NEB: variants seen among roughly 807,000 people sequenced by gnomAD.
NEB encodes the protein nemaline myopathy type 2.
In NEB, 512 loss-of-function variants were observed where a neutral mutation model predicts 952.2. The observed-to-expected ratio is 0.54, with a 90% CI of 0.50 to 0.58. The LOEUF (loss-of-function observed/expected upper bound fraction) is 0.58. Among genes scored for constraint, NEB ranks in the 20% least tolerant of loss-of-function variants. The pLI is 0.00. For synonymous variants in NEB, 2,900 were observed against 3,149.8 expected (o/e 0.92, Z 2.66); for missense variants, 8,428 against 9,231.1 (o/e 0.91, Z 3.56).
At chr2:151,526,565 G>A (rs181595134) in intron 148 of NEB, among the ~76,000 whole-genome samples, 70 of 152,178 alleles carry the variant, frequency 4.6e-4, no homozygotes, top group African/African-American at 1.6e-3. Flanking sequence ...TTATTATTCC[G>A]TCTTTACAGA....
At chr2:151,684,559 T>C (rs1379559299) in intron 28 of NEB, among the ~76,000 whole-genome samples, 1 of 152,140 alleles carries the variant, frequency 6.6e-6, no homozygotes, top group South Asian at 2.1e-4. Flanking sequence ...CTTAGCAAGG[T>C]TGACATATTT....
chr2:151,516,823 C>T (rs2077975643), intron 156 of NEB, among the ~76,000 whole-genome samples: 1 of 152,124 alleles, frequency 6.6e-6, no homozygotes, highest in South Asian at 2.1e-4. Context: ...TTGACAAGAG[C>T]CAGCTGAGAG....
rs973651619 is a variant in NEB at position 151,499,257 on chromosome 2, A to T, written c.24114+41T>A. ...AATCTAGCCATTAATCTTTTTAAAC[A>T]TTTTTTTAAATAATTAAAGGGATTT... On this transcript the variant is annotated intron_variant, in intron 169 of 181. Coordinates refer to ENST00000397345, the MANE Select transcript of NEB (RefSeq NM_001164508.2). 11 of 1,088,644 alleles carry T rather than the reference A, an allele frequency of 1.0e-5. No homozygotes were observed. In the East Asian group the frequency reaches 1.9e-4, roughly 18 times the overall value. The allele number at this position is 1,088,644 out of a possible 1,614,324, so 67.4% of individuals were successfully genotyped here. A position where few individuals can be genotyped will look rare whatever the true frequency, so the allele number is the denominator to read the frequency against.
chr2:151,631,796 T>C (rs2098673041), intron 65 of NEB, among the ~76,000 whole-genome samples: 1 of 152,212 alleles, frequency 6.6e-6, no homozygotes, highest in Admixed American at 6.5e-5. Context: ...TAATACAATA[T>C]GAAATTTTAA....
At chr2:151,574,887 T>A (rs1022811913) in intron 107 of NEB, among the ~76,000 whole-genome samples, 2 of 151,886 alleles carry the variant, frequency 1.3e-5, no homozygotes, top group South Asian at 2.1e-4. Flanking sequence ...GCACCTCACT[T>A]TGCCCAACTA....
intron 13 of NEB, among the ~76,000 whole-genome samples, chr2:151,701,592 G>T (rs939296091): frequency 6.6e-6 from 1 of 151,534 alleles, no homozygotes; most frequent in Non-Finnish European, 1.5e-5. Context: ...GTTTAGTCTT[G>T]GGAGATTGTA....
rs1392434296 is a variant in NEB, at chr2:151,627,659, A to G, written c.10007T>C (p.Leu3336Pro). 6.2e-7 allele frequency: 1 copy of G among 1,613,954 alleles called. No homozygotes were observed. The highest frequency in any genetic ancestry group is 1.7e-5 in the Admixed American group (1 of 60,008). Residue 3336 changes from leucine to proline, a missense_variant, in exon 69 of 182, where the codon CTG becomes CCG. Leu to Pro is a moderately conservative substitution (Grantham distance 98, BLOSUM62 -3). Coordinates refer to ENST00000397345, the MANE Select transcript of NEB (RefSeq NM_001164508.2). Reference protein sequence around the residue: ...KTKFSSPVDMLGVVLAKKCQT... With the variant: ...KTKFSSPVDMPGVVLAKKCQT... Reference sequence around the variant, plus strand: ...GCACTTCTTGGCTAACACCACTCCCAGCATGTCCACTGGGCTGCTGAACTT... The same window carrying G: ...GCACTTCTTGGCTAACACCACTCCCGGCATGTCCACTGGGCTGCTGAACTT...
At position 151,687,655 on chromosome 2, in the gene NEB, C is replaced by T. The variant is rs2099513559; in HGVS notation, c.2494G>A (p.Ala832Thr). Residue 832 changes from alanine to threonine, a missense_variant, in exon 26 of 182, where the codon GCC (alanine) becomes ACC (threonine). By Grantham distance (58) the Ala-to-Thr change is moderately conservative. Coordinates refer to ENST00000397345, the MANE Select transcript of NEB (RefSeq NM_001164508.2). ...IKVDAIPLLA[A>T]KANTKNTSDV... ...CTGGTGTTCTTGGTGTTGGCTTTGG[C>T]TGCCAACAGGGGAATGGCGTCCACT... The T allele has an allele frequency of 1.2e-6, 2 of 1,611,618 alleles. No individual in the cohort carries two copies. The highest frequency in any genetic ancestry group is 1.7e-5 in the Admixed American group (1 of 59,512).
chr2:151,631,919 C>G (rs2098675586), intron 65 of NEB, among the ~76,000 whole-genome samples: 1 of 152,126 alleles, frequency 6.6e-6, no homozygotes, highest in Non-Finnish European at 1.5e-5. Context: ...CTATACATTT[C>G]AAAATATCTG....
In NEB at chr2:151,640,054, A is replaced by G; in HGVS notation, c.8692T>C (p.Tyr2898His). 1 of 1,612,970 alleles carries G rather than the reference A, an allele frequency of 6.2e-7. No homozygotes were observed. The highest frequency in any genetic ancestry group is 8.5e-7 in the Non-Finnish European group (1 of 1,178,970). Residue 2898 changes from tyrosine (Y) to histidine (H), a missense_variant, in exon 62 of 182, where the codon TAC (tyrosine) becomes CAC (histidine). Transcript: ENST00000397345. Reference protein sequence around the residue: ...QAYDLQSDNMYKSDLQWMRGI... With the variant: ...QAYDLQSDNMHKSDLQWMRGI... ...CTCATCCACTGGAGATCAGACTTGT[A>G]CATATTCTGTTGACACAAATAGCCA...
chr2:151,616,523 G>A (rs1482747597), intron 75 of NEB, among the ~76,000 whole-genome samples: 6 of 152,030 alleles, frequency 3.9e-5, no homozygotes, highest in South Asian at 2.1e-4. Context: ...GTGAAATCCC[G>A]TCTCCACTAA....
In NEB at chr2:151,568,347, G is replaced by A; in HGVS notation, c.17705C>T (p.Thr5902Ile). 6.2e-7 allele frequency: 1 copy of A among 1,613,696 alleles called. No homozygotes were observed. The highest frequency in any genetic ancestry group is 1.3e-5 in the African/African-American group (1 of 75,002). Residue 5902 changes from threonine to isoleucine, a missense_variant, in exon 112 of 182, where the codon ACT becomes ATT. Transcript: ENST00000397345. ...CAGTATCCTAGCAGCCTCCTGGGCA[G>A]TGTGCAGCAGGGGGGTTTCTGTGAG... is the stretch of plus-strand genomic sequence containing the variant. ...YTLTETPLLH[T>I]AQEAARILDQ...
chr2:151,705,021 C>A (rs904728580), intron 13 of NEB, among the ~76,000 whole-genome samples: 4 of 152,206 alleles, frequency 2.6e-5, no homozygotes, highest in African/African-American at 7.2e-5. Flanking sequence ...GATAGCACCA[C>A]AGCAAACACA....
chr2:151,637,763 A>G (rs1574694384), intron 63 of NEB, among the ~76,000 whole-genome samples: 1 of 152,248 alleles, frequency 6.6e-6, no homozygotes, highest in Non-Finnish European at 1.5e-5. Context: ...AACAGGACCT[A>G]TATTATAGGT....
Position 151,629,522 on chromosome 2 carries a change from A to C in NEB, c.9831+17T>G, listed in dbSNP as rs1303271330. ...ACTTCATCCATCCATGTAAATATCTAGGGTGTTGCTACTCACATCACTGAT... is the reference window on the plus strand; with the variant it reads ...ACTTCATCCATCCATGTAAATATCTCGGGTGTTGCTACTCACATCACTGAT... On this transcript the variant is annotated intron_variant, in intron 68 of 181. Coordinates refer to ENST00000397345, the MANE Select transcript of NEB (RefSeq NM_001164508.2). 6.3e-7 allele frequency: 1 copy of C among 1,579,404 alleles called. No individual in the cohort carries two copies. The highest frequency in any genetic ancestry group is 2.2e-5 in the East Asian group (1 of 44,670).
At chr2:151,574,571 T>C (rs1041688731) in intron 107 of NEB, among the ~76,000 whole-genome samples, 3 of 152,234 alleles carry the variant, frequency 2.0e-5, no homozygotes, top group African/African-American at 7.2e-5. Context: ...CCTTTTCTTC[T>C]TGTTCTATGG....
Position 151,682,618 on chromosome 2 carries a change from C to T in NEB, c.2943+44G>A, listed in dbSNP as rs776556170. 6.8e-6 allele frequency: 10 copies of T among 1,478,584 alleles called. No individual in the cohort carries two copies. In the African/African-American group the frequency reaches 1.4e-4, roughly 21 times the overall value. The allele number at this position is 1,478,584 out of a possible 1,614,324, so 91.6% of individuals were successfully genotyped here. On this transcript the variant is annotated intron_variant, in intron 29 of 181. Transcript: ENST00000397345. ...GCCCATGCTTTTGAGAGCTTTAACACAACACAGTCACCACTCTCCCTCTGA... is the reference window on the plus strand; with the variant it reads ...GCCCATGCTTTTGAGAGCTTTAACATAACACAGTCACCACTCTCCCTCTGA...
At position 151,696,997 on chromosome 2, in the gene NEB, G is replaced by A. The variant is rs2099601434; in HGVS notation, c.1470+151C>T. 5 of 648,600 alleles carry A rather than the reference G, an allele frequency of 7.7e-6. No individual in the cohort carries two copies. In the South Asian group the frequency reaches 8.8e-5, roughly 11 times the overall value. 40.2% of individuals were successfully genotyped at this position (648,600 alleles called of 1,614,324 possible). ...TCTTAAAATGTAGGGATGTCAACAA[G>A]GGAAAATAGGATGTTTACTACAAAA... On this transcript the variant is annotated intron_variant, in intron 16 of 181. Coordinates refer to ENST00000397345, the MANE Select transcript of NEB (RefSeq NM_001164508.2).
chr2:151,708,719 A>T (rs939621320), intron 12 of NEB, among the ~76,000 whole-genome samples: 9 of 152,286 alleles, frequency 5.9e-5, no homozygotes, highest in African/African-American at 2.2e-4. Context: ...GATGTCTAAA[A>T]GGCATCTCAA....
Sources: allele counts gnomAD v4.1 joint callset (sites outside exome capture counted in the v4.1 genomes callset), GRCh38; gene constraint gnomAD v4.1.1; transcripts MANE v1.5; gene names NCBI Gene and HGNC (gene_info 2026-07-23, HGNC 2026-07-21).